CNTLN: variants seen among roughly 807,000 people sequenced by gnomAD.
CNTLN encodes centlein.
CNTLN carries 212 observed loss-of-function variants against 180.0 expected under a neutral mutation model. The ratio of observed to expected loss-of-function variants is 1.18; its 90% confidence interval spans 1.05 to 1.32. The LOEUF (loss-of-function observed/expected upper bound fraction) is 1.32. Ranked by LOEUF, CNTLN falls within the 40% of genes most tolerant of loss-of-function variation. CNTLN has a pLI of 0.00. For synonymous variants in CNTLN, 722 were observed against 563.1 expected, an observed-to-expected ratio of 1.28 and a Z score of -3.99; for missense variants, 2,095 against 1,610.9, an observed-to-expected ratio of 1.30 and a Z score of -5.14.
the CNTLN span, among the ~76,000 whole-genome samples, chr9:17,509,455 ATT>A: frequency 6.6e-6 from 1 of 152,182 alleles, no homozygotes; most frequent in African/African-American, 2.4e-5. Context: ...TGCACACAGC[ATT>A]GTTTGTGATC....
rs554299655 is a variant in CNTLN, at chr9:17,503,517, C to G, written c.*865C>G. 5.9e-5 allele frequency: 9 copies of G among 152,278 alleles called. No homozygotes were observed. The highest frequency in any genetic ancestry group is 1.3e-4 in the Non-Finnish European group (9 of 68,088). The allele number at this position is 152,278 out of a possible 1,614,324, so 9.4% of individuals were successfully genotyped here. A position where few individuals can be genotyped will look rare whatever the true frequency, so the allele number is the denominator to read the frequency against. ...CTCCCACATTTGCCCTTGGTCTTCT[C>G]TCTTTCTAGAATACTCTGCACTCAA... is the stretch of plus-strand genomic sequence containing the variant. On this transcript the variant is annotated 3_prime_UTR_variant, in exon 26 of 26. Transcript: ENST00000380647.
chr9:17,180,753 C>A (rs1821075899), intron 2 of CNTLN, among the ~76,000 whole-genome samples: 1 of 152,014 alleles, frequency 6.6e-6, no homozygotes, highest in South Asian at 2.1e-4. Flanking sequence ...AGATTTCCCC[C>A]CTCCTATTTT....
intron 1 of CNTLN, among the ~76,000 whole-genome samples, chr9:17,142,610 A>T (rs962562099): frequency 6.6e-6 from 1 of 152,142 alleles, no homozygotes; most frequent in African/African-American, 2.4e-5. Context: ...ACTTAAAATC[A>T]TGGGCCTGAT....
At chr9:17,305,872 A>G (rs1369912502) in intron 7 of CNTLN, among the ~76,000 whole-genome samples, 1 of 152,178 alleles carries the variant, frequency 6.6e-6, no homozygotes. Flanking sequence ...TAGGAGATGT[A>G]TATTTGGAGT....
At chr9:17,221,443 A>C (rs1824129197) in intron 2 of CNTLN, among the ~76,000 whole-genome samples, 1 of 152,130 alleles carries the variant, frequency 6.6e-6, no homozygotes, top group Non-Finnish European at 1.5e-5. Context: ...AATGGATTGC[A>C]ATTATGTATT....
intron 13 of CNTLN, among the ~76,000 whole-genome samples, chr9:17,380,345 G>C (rs1299487077): frequency 6.6e-6 from 1 of 152,122 alleles, no homozygotes; most frequent in Non-Finnish European, 1.5e-5. Flanking sequence ...GTCTCCTAAG[G>C]AGGTTTCTCG....
At chr9:17,257,489 C>G (rs1185442149) in intron 5 of CNTLN, among the ~76,000 whole-genome samples, 1 of 151,702 alleles carries the variant, frequency 6.6e-6, no homozygotes, top group Non-Finnish European at 1.5e-5. Context: ...TGGGTATATA[C>G]CCAGTAATGG....
At chr9:17,404,784 C>A (rs1827250103) in intron 15 of CNTLN, among the ~76,000 whole-genome samples, 1 of 144,422 alleles carries the variant, frequency 6.9e-6, no homozygotes, top group Non-Finnish European at 1.5e-5. Context: ...GTCTGCCAGG[C>A]TGGAGTACAG....
chr9:17,510,440 G>T, the CNTLN span, among the ~76,000 whole-genome samples: 43 of 152,188 alleles, frequency 2.8e-4, no homozygotes, highest in Non-Finnish European at 5.0e-4. Context: ...TTGGGTCATG[G>T]TGCTCAGATA....
intron 20 of CNTLN, among the ~76,000 whole-genome samples, chr9:17,463,681 A>G (rs1831582888): frequency 6.6e-6 from 1 of 151,614 alleles, no homozygotes; most frequent in African/African-American, 2.4e-5. Flanking sequence ...AAGCTTGGTT[A>G]ATTTTTTAAC....
chr9:17,394,717 A>G lies in CNTLN; in HGVS notation c.2263A>G (p.Lys755Glu). Residue 755 changes from lysine (K) to glutamate (E), a missense_variant, in exon 15 of 26, where the codon AAA becomes GAA. Transcript: ENST00000380647. ...QIIKGSKDVE[K>E]ENTELQVKIS... is the part of the protein sequence containing the mutation. The stretch of plus-strand genomic sequence containing the variant: ...AATAAAGGGGAGTAAAGATGTAGAA[A>G]AAGAAAATACTGAACTTCAAGTAAA... 5.0e-6 allele frequency: 8 copies of G among 1,614,070 alleles called. No individual in the cohort carries two copies. Among genetic ancestry groups the G allele is most frequent in the Non-Finnish European group, 6.8e-6 (8 of 1,179,984 alleles).
chr9:17,481,087 C>A (rs1204547053), intron 23 of CNTLN, among the ~76,000 whole-genome samples: 2 of 152,162 alleles, frequency 1.3e-5, no homozygotes, highest in Non-Finnish European at 2.9e-5. Flanking sequence ...CCCACCCAGG[C>A]AGGGAGCCGC....
chr9:17,466,197 TC>T, intron 22 of CNTLN, 79 bp downstream of exon 22: 1 of 1,341,246 alleles, frequency 7.5e-7, no homozygotes, highest in South Asian at 1.3e-5. Flanking sequence ...TGTTGCTTTT[TC>T]CTTCCCAAAA....
chr9:17,377,805 C>T (rs1042987796), intron 13 of CNTLN, among the ~76,000 whole-genome samples: 2 of 152,160 alleles, frequency 1.3e-5, no homozygotes, highest in Admixed American at 6.5e-5. Flanking sequence ...CCCTGTATCA[C>T]CCCTGCTGTG....
At chr9:17,244,666 C>T (rs1384446987) in intron 5 of CNTLN, among the ~76,000 whole-genome samples, 2 of 152,132 alleles carry the variant, frequency 1.3e-5, no homozygotes, top group Non-Finnish European at 2.9e-5. Context: ...TAAGGACTTA[C>T]TCCTGCCATT....
chr9:17,182,971 A>G (rs1821214204), intron 2 of CNTLN, among the ~76,000 whole-genome samples: 1 of 152,222 alleles, frequency 6.6e-6, no homozygotes, highest in South Asian at 2.1e-4. Flanking sequence ...CAAGTGAAAC[A>G]GGTCATTAGT....
chr9:17,234,025 G>A (rs894380754), intron 3 of CNTLN, among the ~76,000 whole-genome samples: 2 of 151,972 alleles, frequency 1.3e-5, no homozygotes, highest in Admixed American at 6.6e-5. Flanking sequence ...GTTACGTACA[G>A]GACCTCTCCT....
chr9:17,332,323 A>T (rs1389244970), intron 9 of CNTLN, among the ~76,000 whole-genome samples: 1 of 151,976 alleles, frequency 6.6e-6, no homozygotes, highest in African/African-American at 2.4e-5. Context: ...GGTTTCTTGC[A>T]TTTCTGAGTC....
At chr9:17,432,783 G>A (rs995237534) in intron 18 of CNTLN, among the ~76,000 whole-genome samples, 5 of 152,098 alleles carry the variant, frequency 3.3e-5, no homozygotes, top group Non-Finnish European at 7.4e-5. Context: ...ACTTTGGAAG[G>A]CAGAGGTGGG....
Sources: gnomAD v4.1 joint callset for allele counts (sites outside exome capture counted in the v4.1 genomes callset) on GRCh38, gnomAD v4.1.1 for gene constraint, MANE v1.5 for transcripts, NCBI Gene and HGNC (gene_info 2026-07-23, HGNC 2026-07-21) for gene names.